HRH1: variants seen among roughly 807,000 people sequenced by gnomAD.
HRH1 encodes histamine H1 receptor.
Under a neutral mutation model 10.3 loss-of-function variants are expected in HRH1, and 6 were observed. The ratio of observed to expected loss-of-function variants is 0.58; its 90% CI spans 0.32 to 1.15. The LOEUF (loss-of-function observed/expected upper bound fraction) is 1.15. Ranked by LOEUF, HRH1 falls within the 50% of genes most tolerant of loss-of-function variation. The pLI is 0.05. For synonymous variants in HRH1, 242 were observed against 236.7 expected (o/e 1.02, Z -0.21); for missense variants, 514 against 615.3 (o/e 0.84, Z 1.74).
At chr3:11,208,320 T>A (rs1938211789) in intron 1 of HRH1, among the ~76,000 whole-genome samples, 1 of 152,042 alleles carries the variant, frequency 6.6e-6, no homozygotes, top group Middle Eastern at 3.2e-3. Flanking sequence ...GCCCAGCTAA[T>A]TTTTGTATTT....
At chr3:11,213,652 G>A (rs1938398835) in intron 1 of HRH1, among the ~76,000 whole-genome samples, 1 of 152,190 alleles carries the variant, frequency 6.6e-6, no homozygotes, top group Non-Finnish European at 1.5e-5. Flanking sequence ...GAAGAGCCAG[G>A]CAGCTCTCTG....
intron 1 of HRH1, among the ~76,000 whole-genome samples, chr3:11,222,909 G>C (rs934608053): frequency 1.3e-5 from 2 of 151,822 alleles, no homozygotes; most frequent in African/African-American, 4.8e-5. Context: ...CGCTCCAGCC[G>C]GGCGCGGTGG....
rs902435629 is a variant in HRH1 at position 11,193,861 on chromosome 3, A to T, written c.-36+39307A>T. Among the ~76,000 whole-genome samples the T allele has an allele frequency of 5.3e-5, 8 of 152,360 alleles. No homozygotes were observed. In the South Asian group the frequency reaches 6.2e-4, roughly 12 times the overall value. ...TAGAATTTCAACACATGAATTGATG[A>T]GGAACAAATATTCAGACCTTAAGCA... On this transcript the variant is annotated intron_variant, in intron 1 of 1. Transcript: ENST00000431010.
At chr3:11,229,357 TG>T (rs1381107996) in intron 1 of HRH1, among the ~76,000 whole-genome samples, 1 of 152,194 alleles carries the variant, frequency 6.6e-6, no homozygotes, top group Non-Finnish European at 1.5e-5. Flanking sequence ...GCTGGAGTGC[TG>T]TGGGTCAAAA....
chr3:11,229,753 C>T (rs1453650652), intron 1 of HRH1, among the ~76,000 whole-genome samples: 1 of 151,938 alleles, frequency 6.6e-6, no homozygotes, highest in Non-Finnish European at 1.5e-5. Flanking sequence ...TTGTTTATGC[C>T]TATGGAAAGT....
intron 1 of HRH1, among the ~76,000 whole-genome samples, chr3:11,223,634 G>A (rs988626940): frequency 6.6e-6 from 1 of 152,232 alleles, no homozygotes. Context: ...GAGTCAAGTA[G>A]ACAGGGCTCT....
At chr3:11,254,782 T>A (rs1403512227) in intron 1 of HRH1, among the ~76,000 whole-genome samples, 3 of 152,192 alleles carry the variant, frequency 2.0e-5, no homozygotes, top group East Asian at 3.9e-4. Context: ...AGAAAATTCC[T>A]CAGCAAGGCA....
chr3:11,207,970 T>C (rs1217181317), intron 1 of HRH1, among the ~76,000 whole-genome samples: 1 of 151,974 alleles, frequency 6.6e-6, no homozygotes, highest in East Asian at 1.9e-4. Flanking sequence ...CCCACTAAGA[T>C]GTTTATCACT....
At chr3:11,168,850 C>G (rs1281794278) in intron 1 of HRH1, among the ~76,000 whole-genome samples, 1 of 152,216 alleles carries the variant, frequency 6.6e-6, no homozygotes, top group Admixed American at 6.5e-5. Context: ...TGATGTCTCT[C>G]TGGTTGGAGA....
intron 1 of HRH1, among the ~76,000 whole-genome samples, chr3:11,189,963 T>C (rs926335755): frequency 7.3e-5 from 11 of 150,958 alleles, no homozygotes; most frequent in African/African-American, 2.7e-4. Context: ...AAAAGAAAAA[T>C]GGTCACTAAA....
At chr3:11,186,998 A>AAAATTT (rs1248484980) in intron 1 of HRH1, among the ~76,000 whole-genome samples, 2 of 152,226 alleles carry the variant, frequency 1.3e-5, no homozygotes, top group Non-Finnish European at 2.9e-5. Context: ...AGATGGATCC[A>AAAATTT]AAATTTAAAT....
At chr3:11,185,979 G>A (rs1045507295) in intron 1 of HRH1, among the ~76,000 whole-genome samples, 6 of 152,124 alleles carry the variant, frequency 3.9e-5, no homozygotes, top group Non-Finnish European at 8.8e-5. Context: ...TAGGTGTTCT[G>A]TGGAAGCCCC....
chr3:11,153,767 C>T (rs1320635427), upstream of HRH1, among the ~76,000 whole-genome samples: 1 of 152,148 alleles, frequency 6.6e-6, no homozygotes, highest in Non-Finnish European at 1.5e-5. Context: ...ACCCCCACCC[C>T]ACTCCTCCCC....
intron 1 of HRH1, among the ~76,000 whole-genome samples, chr3:11,169,951 G>T (rs542816515): frequency 6.6e-6 from 1 of 152,072 alleles, no homozygotes; most frequent in Non-Finnish European, 1.5e-5. Context: ...ACACTGTCCC[G>T]CAACTCTCAC....
intron 1 of HRH1, among the ~76,000 whole-genome samples, chr3:11,164,005 C>A (rs1936979870): frequency 6.6e-6 from 1 of 152,182 alleles, no homozygotes; most frequent in Admixed American, 6.5e-5. Context: ...CCTCCATATC[C>A]CTGGTACCCA....
At chr3:11,167,911 T>C (rs1374153569) in intron 1 of HRH1, among the ~76,000 whole-genome samples, 1 of 152,186 alleles carries the variant, frequency 6.6e-6, no homozygotes, top group Admixed American at 6.6e-5. Context: ...CAGGGATTGT[T>C]CTGGGTGCTG....
chr3:11,208,217 A>G (rs1005411410), intron 1 of HRH1, among the ~76,000 whole-genome samples: 10 of 151,088 alleles, frequency 6.6e-5, no homozygotes, highest in Non-Finnish European at 1.2e-4. Context: ...CAGTGGTGCA[A>G]TCTTGGCTCA....
intron 1 of HRH1, among the ~76,000 whole-genome samples, chr3:11,241,070 ATT>A (rs1466837674): frequency 1.3e-5 from 2 of 152,320 alleles, no homozygotes; most frequent in East Asian, 3.9e-4. Context: ...AGGAATCTAT[ATT>A]TTGTTTTTTT....
At chr3:11,211,320 T>C (rs1458903691) in intron 1 of HRH1, among the ~76,000 whole-genome samples, 3 of 152,202 alleles carry the variant, frequency 2.0e-5, no homozygotes, top group Non-Finnish European at 2.9e-5. Context: ...AGCTTTGTAA[T>C]TCATGAGGAA....
Sources: gnomAD v4.1 joint callset for allele counts (sites outside exome capture counted in the v4.1 genomes callset) on GRCh38, gnomAD v4.1.1 for gene constraint, MANE v1.5 for transcripts, NCBI Gene and HGNC (gene_info 2026-07-23, HGNC 2026-07-21) for gene names.